Variants in SNX32 observed in about 807,000 individuals in gnomAD.
SNX32 encodes sorting nexin 32.
In SNX32, 58 loss-of-function variants were observed where a neutral mutation model predicts 57.0. That is an observed-to-expected ratio of 1.02 (90% CI 0.82 to 1.27). SNX32 has a LOEUF of 1.27. Among genes scored for constraint, SNX32 ranks in the 50% most tolerant of loss-of-function variants. The probability of loss-of-function intolerance (pLI) is 0.00; values close to 1 mark genes in which losing one functional copy is unlikely to be tolerated. For synonymous variants in SNX32, 262 were observed against 220.4 expected (o/e 1.19, Z -1.67); for missense variants, 589 against 541.2 (o/e 1.09, Z -0.88).
At chr11:65,841,212 C>T (rs1858832120) in intron 1 of SNX32, among the ~76,000 whole-genome samples, 1 of 150,706 alleles carries the variant, frequency 6.6e-6, no homozygotes, top group Non-Finnish European at 1.5e-5. Flanking sequence ...TCCCAAAGTG[C>T]ATGAGCCACC....
chr11:65,842,546 G>A (rs564987452), intron 1 of SNX32, among the ~76,000 whole-genome samples: 5 of 152,132 alleles, frequency 3.3e-5, no homozygotes, highest in Non-Finnish European at 7.3e-5. Flanking sequence ...CCAGCTACTT[G>A]GGAGGCTGAG....
rs926626456 is a variant in SNX32 at position 65,853,622 on chromosome 11, C to T, written c.*287C>T. 1.9e-6 allele frequency: 1 copy of T among 523,944 alleles called. No homozygotes were observed. The highest frequency in any genetic ancestry group is 3.5e-6 in the Non-Finnish European group (1 of 289,828). 32.5% of individuals were successfully genotyped at this position (523,944 alleles called of 1,614,324 possible). A position where few individuals can be genotyped will look rare whatever the true frequency, so the allele number is the denominator to read the frequency against. ...AGCTGAGGAACAGCCTCTACCCTCA[C>T]CCATAGCCCTGAAGGAATCATAGCT... is the stretch of plus-strand genomic sequence containing the variant. On this transcript the variant is annotated 3_prime_UTR_variant, in exon 13 of 13. Coordinates refer to ENST00000308342, the MANE Select transcript of SNX32 (RefSeq NM_152760.3).
chr11:65,846,184 T>A (rs1466474025), intron 1 of SNX32, among the ~76,000 whole-genome samples: 2 of 151,876 alleles, frequency 1.3e-5, no homozygotes, highest in Non-Finnish European at 1.5e-5. Flanking sequence ...AGCAGGAGAA[T>A]CCCATAAGCC....
chr11:65,845,235 C>G (rs1035868369), intron 1 of SNX32, among the ~76,000 whole-genome samples: 6 of 150,062 alleles, frequency 4.0e-5, no homozygotes, highest in East Asian at 2.0e-4. Flanking sequence ...GTCTGGAGAT[C>G]GAGACCATCC....
intron 1 of SNX32, among the ~76,000 whole-genome samples, chr11:65,840,218 G>A (rs1160311163): frequency 6.6e-6 from 1 of 151,990 alleles, no homozygotes; most frequent in African/African-American, 2.4e-5. Context: ...CTCAATCAAA[G>A]GAAAAAGATT....
intron 12 of SNX32, 112 bp downstream of exon 12, chr11:65,853,070 C>A: frequency 1.5e-6 from 2 of 1,301,370 alleles, no homozygotes; most frequent in Non-Finnish European, 2.2e-6. Flanking sequence ...CATGTATGCG[C>A]GTGTGTGTGC....
intron 1 of SNX32, among the ~76,000 whole-genome samples, chr11:65,834,622 G>T (rs556954307): frequency 6.7e-6 from 1 of 149,520 alleles, no homozygotes; most frequent in East Asian, 2.0e-4. Context: ...TGTGTGTATG[G>T]TCTGCATGTG....
At position 65,834,061 on chromosome 11, in the gene SNX32, G is replaced by C. The variant is rs532489842; in HGVS notation, c.-5G>C. On this transcript the variant is annotated 5_prime_UTR_variant, in exon 1 of 13. Coordinates refer to ENST00000308342, the MANE Select transcript of SNX32 (RefSeq NM_152760.3). ...AGTGGCCGGACGCTGAAGCCCAGGAGAGCGATGGAGACGTATGCGGAGGTT... is the reference window on the plus strand; with the variant it reads ...AGTGGCCGGACGCTGAAGCCCAGGACAGCGATGGAGACGTATGCGGAGGTT... The C allele has an allele frequency of 9.0e-6, 14 of 1,551,146 alleles. No individual in the cohort carries two copies. The East Asian group carries it at 3.4e-4, about 38-fold the overall frequency.
intron 1 of SNX32, among the ~76,000 whole-genome samples, chr11:65,842,674 G>A (rs1421296755): frequency 2.6e-5 from 4 of 151,318 alleles, no homozygotes; most frequent in African/African-American, 9.7e-5. Flanking sequence ...ATTAGGCCAG[G>A]CACGGTGGCT....
At chr11:65,842,586 G>A (rs1858870112) in intron 1 of SNX32, among the ~76,000 whole-genome samples, 1 of 152,090 alleles carries the variant, frequency 6.6e-6, no homozygotes, top group African/African-American at 2.4e-5. Flanking sequence ...CCAGGAGGCA[G>A]AGGCTGCAGT....
intron 1 of SNX32, among the ~76,000 whole-genome samples, chr11:65,843,220 C>CAAA (rs11307931): frequency 9.2e-6 from 1 of 108,936 alleles, no homozygotes; most frequent in African/African-American, 3.6e-5. Context: ...GACTCCGTCT[C>CAAA]AAAAAAAAAA....
At position 65,834,089 on chromosome 11, in the gene SNX32, G is replaced by T. The variant is rs17854357; in HGVS notation, c.24G>T (p.Gly8=). METYAEV[G]KEGKPSCASV... is the part of the protein sequence containing the mutation. ...CGATGGAGACGTATGCGGAGGTTGG[G>T]AAGGAGGGCAAGGTAGAGAAAGGAT... Residue 8 remains glycine (G), a synonymous_variant, in exon 1 of 13, where the codon GGG becomes GGT. Transcript: ENST00000308342. 2.6e-5 allele frequency: 40 copies of T among 1,551,254 alleles called. No individual in the cohort carries two copies. In the East Asian group the frequency reaches 9.5e-4, roughly 37 times the overall value.
At position 65,852,697 on chromosome 11, in the gene SNX32, C is replaced by G; in HGVS notation, c.980C>G (p.Ala327Gly). ...AATGCCAACAAGGCGCTGGACAAGG[C>G]GCGCACCAGGAACCGGGAGGTGCGG... ...YENANKALDKARTRNREVRPA... is the reference protein window; with the variant it reads ...YENANKALDKGRTRNREVRPA... Residue 327 changes from alanine to glycine, a missense_variant, in exon 11 of 13, where the codon GCG becomes GGG. Physicochemically the swap from Ala to Gly is moderately conservative, Grantham distance 60. Coordinates refer to ENST00000308342, the MANE Select transcript of SNX32 (RefSeq NM_152760.3). 2 of 1,596,936 alleles carry G rather than the reference C, an allele frequency of 1.3e-6. No individual in the cohort carries two copies. Among genetic ancestry groups the G allele is most frequent in the Non-Finnish European group, 1.7e-6 (2 of 1,175,298 alleles).
chr11:65,839,225 A>ATTTTTTTTTTTTTGTTTTTTTTTTTT (rs1858759692), intron 1 of SNX32, among the ~76,000 whole-genome samples: 1 of 27,622 alleles, frequency 3.6e-5, no homozygotes, highest in Non-Finnish European at 6.0e-5. Flanking sequence ...ATTTTTTTGT[A>ATTTTTTTTTTTTTGTTTTTTTTTTTT]TTTTTTTTTT....
Position 65,850,837 on chromosome 11 carries a change from G to T in SNX32, c.585G>T (p.Thr195=), listed in dbSNP as rs748944398. The T allele has an allele frequency of 6.2e-7, 1 of 1,613,626 alleles. No homozygotes were observed. The highest frequency in any genetic ancestry group is 8.5e-7 in the Non-Finnish European group (1 of 1,179,752). ...IVKSADEALI[T]GMSGLKEVDD... Reference sequence around the variant, plus strand: ...AGTCCGCGGATGAAGCCCTCATCACGGGCATGTCAGGGCTCAAGGTAACCC... The same window carrying T: ...AGTCCGCGGATGAAGCCCTCATCACTGGCATGTCAGGGCTCAAGGTAACCC... Residue 195 remains threonine, a synonymous_variant, in exon 6 of 13, where the codon ACG becomes ACT. Transcript: ENST00000308342.
rs187612313 is a variant in SNX32 at position 65,852,864 on chromosome 11, C to T, written c.1073-9C>T. 5.7e-3 allele frequency: 9,223 copies of T among 1,614,080 alleles called. 48 individuals are homozygous for T. The highest frequency in any genetic ancestry group is 6.9e-3 in the Non-Finnish European group (8,169 of 1,179,910). On this transcript the variant is annotated splice_polypyrimidine_tract_variant and intron_variant, in intron 11 of 12. Coordinates refer to ENST00000308342, the MANE Select transcript of SNX32 (RefSeq NM_152760.3). ...CCCGGATCCCCATGCCTCTTCCCCT[C>T]CTCTCCAGAGCTCATGGACTTCAAG... is the stretch of plus-strand genomic sequence containing the variant.
chr11:65,836,190 A>T (rs1265834927), intron 1 of SNX32, among the ~76,000 whole-genome samples: 1 of 152,144 alleles, frequency 6.6e-6, no homozygotes, highest in Non-Finnish European at 1.5e-5. Flanking sequence ...TCTTCCTTTA[A>T]ATATAGAGAC....
chr11:65,851,442 G>T (rs1859192809), intron 8 of SNX32, 39 bp downstream of exon 8: 2 of 1,604,660 alleles, frequency 1.2e-6, no homozygotes, highest in African/African-American at 1.3e-5. Context: ...CCCTGTGCCT[G>T]TAATACCATG....
chr11:65,853,301 G>C lies in SNX32; in HGVS notation c.1178G>C (p.Arg393Pro), dbSNP rs754803075. Residue 393 changes from arginine to proline, a missense_variant, in exon 13 of 13, where the codon CGG (arginine) becomes CCG (proline). Arg to Pro is a moderately radical substitution (Grantham distance 103). Transcript: ENST00000308342. The part of the protein sequence containing the change: ...KHAKASTLIL[R>P]NTLVALKGEP Reference sequence around the variant, plus strand: ...CTGCAGGCCAGCACCCTGATTCTCCGGAACACCCTTGTTGCCCTAAAGGGG... The same window carrying C: ...CTGCAGGCCAGCACCCTGATTCTCCCGAACACCCTTGTTGCCCTAAAGGGG... The C allele has an allele frequency of 1.2e-6, 2 of 1,614,030 alleles. No individual in the cohort carries two copies. Among genetic ancestry groups the C allele is most frequent in the East Asian group, 2.2e-5 (1 of 44,874 alleles).
Sources: allele counts gnomAD v4.1 joint callset (sites outside exome capture counted in the v4.1 genomes callset), GRCh38; gene constraint gnomAD v4.1.1; transcripts MANE v1.5; gene names NCBI Gene and HGNC (gene_info 2026-07-23, HGNC 2026-07-21).